The following SOX5 variants were observed in gnomAD, a reference collection of about 807,000 sequenced individuals.
SOX5 encodes SRY-box transcription factor 5.
SOX5 carries 9 observed loss-of-function variants against 92.0 expected under a neutral mutation model. The ratio of observed to expected loss-of-function variants is 0.10; its 90% CI spans 0.06 to 0.17. The LOEUF is 0.17. Ranked by LOEUF, SOX5 falls within the 10% of genes least tolerant of loss-of-function variation. The pLI, the probability that SOX5 is intolerant of heterozygous loss-of-function variation, is 1.00. For missense variants in SOX5, 642 were observed against 944.5 expected, an observed-to-expected ratio of 0.68 and a Z score of 4.20; for synonymous variants, 344 against 336.3, an observed-to-expected ratio of 1.02 and a Z score of -0.25.
intron 6 of SOX5, among the ~76,000 whole-genome samples, chr12:23,720,739 TA>T (rs1316121767): frequency 7.2e-5 from 11 of 152,234 alleles, no homozygotes; most frequent in African/African-American, 2.7e-4. Flanking sequence ...ATTGTTCTCT[TA>T]AAAACGTGTC....
chr12:23,627,698 T>C (rs569310473), intron 8 of SOX5, among the ~76,000 whole-genome samples: 50 of 152,260 alleles, frequency 3.3e-4, no homozygotes, highest in Middle Eastern at 3.4e-3. Flanking sequence ...TGATCAAAGA[T>C]ACATGCAAAT....
At chr12:24,306,838 T>C (rs367609697) in intron 2 of SOX5, among the ~76,000 whole-genome samples, 5 of 152,182 alleles carry the variant, frequency 3.3e-5, no homozygotes, top group East Asian at 3.9e-4. Context: ...CCAGCTTGAG[T>C]GCCCAGACTA....
intron 3 of SOX5, among the ~76,000 whole-genome samples, chr12:23,807,109 A>C (rs12371013): frequency 0.1 from 15,380 of 152,160 alleles, 872 homozygotes; most frequent in East Asian, 0.2. Context: ...TTCTTCTTTT[A>C]CACACCAATA....
At chr12:23,950,901 G>A (rs1290874430), upstream of SOX5, 6 of 1,534,202 alleles carry the variant, frequency 3.9e-6, no homozygotes, top group Admixed American at 2.0e-5. Context: ...TGGCTGCCCC[G>A]TGCACCGCAG....
At chr12:24,295,322 GT>G (rs1412939798) in intron 2 of SOX5, among the ~76,000 whole-genome samples, 1 of 152,020 alleles carries the variant, frequency 6.6e-6, no homozygotes, top group Non-Finnish European at 1.5e-5. Flanking sequence ...ATACCCTCTT[GT>G]TTAAGTACAT....
intron 1 of SOX5, among the ~76,000 whole-genome samples, chr12:24,442,424 C>A (rs1173773246): frequency 6.6e-6 from 1 of 151,946 alleles, no homozygotes; most frequent in Non-Finnish European, 1.5e-5. Context: ...ACAATAAACA[C>A]AATAAATGAA....
intron 4 of SOX5, 77 bp downstream of exon 4, chr12:23,755,561 A>G: frequency 9.5e-7 from 1 of 1,053,914 alleles, no homozygotes; most frequent in Non-Finnish European, 1.4e-6. Context: ...GGGCAGAAAT[A>G]CTTTATCACC....
At chr12:23,864,530 A>T (rs1268753507) in intron 2 of SOX5, among the ~76,000 whole-genome samples, 3 of 152,152 alleles carry the variant, frequency 2.0e-5, no homozygotes, top group Non-Finnish European at 4.4e-5. Flanking sequence ...GTAATACTCC[A>T]CTCAACACAC....
At chr12:23,653,025 C>CAGAT (rs767358059) in intron 7 of SOX5, among the ~76,000 whole-genome samples, 1 of 91,200 alleles carries the variant, frequency 1.1e-5, no homozygotes, top group Non-Finnish European at 2.3e-5. Flanking sequence ...GATGAATGTA[C>CAGAT]AGATAGATGG....
intron 4 of SOX5, among the ~76,000 whole-genome samples, chr12:24,100,434 C>T (rs1945946375): frequency 6.6e-6 from 1 of 152,142 alleles, no homozygotes; most frequent in Non-Finnish European, 1.5e-5. Context: ...GCAGCATTAA[C>T]ACAATTGACT....
In SOX5 at chr12:23,825,879, C is replaced by T. The variant is rs1304805355; in HGVS notation, c.481+20104G>A. 2.0e-5 allele frequency among the ~76,000 whole-genome samples: 3 copies of T among 152,000 alleles called. No individual in the cohort carries two copies. The East Asian group carries it at 5.8e-4, about 29-fold the overall frequency. On this transcript the variant is annotated intron_variant, in intron 3 of 14. Transcript: ENST00000451604. ...TAAAAAGCAAAGAAAAAAAATCTGGCAAAAAATTAAGAACTCTAAGATTTA... is the reference window on the plus strand; with the variant it reads ...TAAAAAGCAAAGAAAAAAAATCTGGTAAAAAATTAAGAACTCTAAGATTTA...
chr12:23,770,411 T>C (rs1376905484), intron 3 of SOX5, among the ~76,000 whole-genome samples: 1 of 152,132 alleles, frequency 6.6e-6, no homozygotes, highest in Non-Finnish European at 1.5e-5. Flanking sequence ...AATTTCTTGA[T>C]TGAATTGCAA....
chr12:23,592,390 C>G (rs776483844), intron 9 of SOX5, among the ~76,000 whole-genome samples: 1 of 152,156 alleles, frequency 6.6e-6, no homozygotes, highest in Non-Finnish European at 1.5e-5. Flanking sequence ...CCAATGGAAT[C>G]AGCTAGTTCA....
intron 2 of SOX5, among the ~76,000 whole-genome samples, chr12:23,862,436 T>C (rs933443025): frequency 6.6e-6 from 1 of 152,090 alleles, no homozygotes; most frequent in Non-Finnish European, 1.5e-5. Context: ...TTGGTTGTAT[T>C]TTGCCTACGG....
Position 23,531,499 on chromosome 12 carries a change from A to G in SOX5, c.*2720T>C, listed in dbSNP as rs928673653. 2.0e-5 allele frequency: 3 copies of G among 150,576 alleles called. No homozygotes were observed. The highest frequency in any genetic ancestry group is 4.4e-5 in the Non-Finnish European group (3 of 67,874). 9.3% of individuals were successfully genotyped at this position (150,576 alleles called of 1,614,324 possible). The stretch of plus-strand genomic sequence containing the variant: ...TAGCCCAAACTCATGAAATGAAAAC[A>G]AAGCATCTTTCATAACATGGTGTAA... On this transcript the variant is annotated 3_prime_UTR_variant, in exon 15 of 15. Coordinates refer to ENST00000451604, the MANE Select transcript of SOX5 (RefSeq NM_006940.6).
chr12:24,374,534 C>CAT (rs1566015863), intron 1 of SOX5, among the ~76,000 whole-genome samples: 1 of 151,966 alleles, frequency 6.6e-6, no homozygotes, highest in African/African-American at 2.4e-5. Context: ...CACACACACA[C>CAT]ACATGCATGC....
At chr12:24,147,838 T>C (rs1951233093) in intron 4 of SOX5, among the ~76,000 whole-genome samples, 1 of 152,136 alleles carries the variant, frequency 6.6e-6, no homozygotes, top group African/African-American at 2.4e-5. Flanking sequence ...TAAGGATTAA[T>C]CTAAAAAATG....
At chr12:24,287,711 T>C (rs916863504) in intron 2 of SOX5, among the ~76,000 whole-genome samples, 1 of 151,124 alleles carries the variant, frequency 6.6e-6, no homozygotes, top group Non-Finnish European at 1.5e-5. Flanking sequence ...CTAAAAATTA[T>C]AGATCTCTTT....
chr12:23,679,074 C>T (rs1055300959), intron 6 of SOX5, among the ~76,000 whole-genome samples: 2 of 152,058 alleles, frequency 1.3e-5, no homozygotes, highest in African/African-American at 2.4e-5. Flanking sequence ...ATCTTTTCTG[C>T]TATAATACAA....
Sources: allele counts gnomAD v4.1 joint callset (sites outside exome capture counted in the v4.1 genomes callset), GRCh38; gene constraint gnomAD v4.1.1; transcripts MANE v1.5; gene names NCBI Gene and HGNC (gene_info 2026-07-23, HGNC 2026-07-21).